The following SH3RF2 variants were observed in gnomAD, a reference collection of about 807,000 sequenced individuals.
The protein encoded by SH3RF2 is E3 ubiquitin-protein ligase SH3RF2.
SH3RF2 carries 43 observed loss-of-function variants against 59.0 expected under a neutral mutation model. The observed-to-expected ratio is 0.73, with a 90% CI of 0.57 to 0.94. The LOEUF (loss-of-function observed/expected upper bound fraction) is 0.94, where lower values mean the gene tolerates loss of function less well. SH3RF2 is among the 40% of genes least tolerant of loss of function. SH3RF2 has a pLI of 0.00. For synonymous variants in SH3RF2, 391 were observed against 391.5 expected (o/e 1.00, Z 0.01); for missense variants, 930 against 940.1 (o/e 0.99, Z 0.14).
chr5:146,060,535 T>TTAA (rs1259901769), intron 9 of SH3RF2, among the ~76,000 whole-genome samples: 2 of 152,184 alleles, frequency 1.3e-5, no homozygotes, highest in Non-Finnish European at 2.9e-5. Flanking sequence ...TTGCTTTGAA[T>TTAA]TCTAGCTTTG....
At chr5:145,961,366 C>T (rs1249337726) in intron 2 of SH3RF2, among the ~76,000 whole-genome samples, 2 of 152,014 alleles carry the variant, frequency 1.3e-5, no homozygotes, top group Non-Finnish European at 2.9e-5. Flanking sequence ...TTTCTCTTCT[C>T]TAAGAACCAC....
intron 2 of SH3RF2, among the ~76,000 whole-genome samples, chr5:145,964,033 C>G (rs1367331812): frequency 4.0e-5 from 6 of 151,728 alleles, no homozygotes; most frequent in Non-Finnish European, 8.8e-5. Flanking sequence ...GGGGTTTCAC[C>G]GTGTTAGACA....
intron 2 of SH3RF2, among the ~76,000 whole-genome samples, chr5:145,943,639 C>T (rs1458017349): frequency 2.0e-5 from 3 of 152,170 alleles, no homozygotes; most frequent in Non-Finnish European, 4.4e-5. Context: ...TCAGGGTAAT[C>T]CCTGCAGTGG....
intron 2 of SH3RF2, chr5:145,997,803 A>C (rs1760227349): frequency 3.3e-6 from 5 of 1,529,384 alleles, no homozygotes; most frequent in Admixed American, 1.7e-5. Context: ...AAAAAAAATT[A>C]AGCTAGGATC....
At chr5:145,965,010 C>T (rs1406023022) in intron 2 of SH3RF2, among the ~76,000 whole-genome samples, 3 of 151,946 alleles carry the variant, frequency 2.0e-5, no homozygotes, top group African/African-American at 4.8e-5. Context: ...CTGCGCAACA[C>T]GGTGAAACCC....
chr5:145,984,493 C>T (rs1472883868), intron 2 of SH3RF2, among the ~76,000 whole-genome samples: 3 of 152,192 alleles, frequency 2.0e-5, no homozygotes, highest in Admixed American at 1.3e-4. Context: ...TCACTTATTC[C>T]GCCATATCTC....
chr5:146,073,992 C>A (rs1210037118), intron 9 of SH3RF2, among the ~76,000 whole-genome samples: 2 of 151,610 alleles, frequency 1.3e-5, no homozygotes, highest in Admixed American at 6.6e-5. Context: ...CTCAACCTGT[C>A]CCCTGTCCAT....
chr5:146,029,472 C>T lies in SH3RF2; in HGVS notation c.1059+15411C>T, dbSNP rs919159939. Among the ~76,000 whole-genome samples the T allele has an allele frequency of 2.4e-4, 37 of 152,102 alleles. 1 individual carries two copies. Among genetic ancestry groups the T allele is most frequent in the African/African-American group, 5.8e-4 (24 of 41,390 alleles). ...AGGAGTAGGAAATGGGTGCATGTGC[C>T]GTGTGTTTGCCATCCCCACATAGGC... On this transcript the variant is annotated intron_variant, in intron 5 of 9. Transcript: ENST00000359120.
chr5:146,055,964 A>G lies in SH3RF2; in HGVS notation c.1323-17A>G, dbSNP rs1762649897. On this transcript the variant is annotated splice_polypyrimidine_tract_variant and intron_variant, in intron 7 of 9. Coordinates refer to ENST00000359120, the MANE Select transcript of SH3RF2 (RefSeq NM_152550.4). ...TTCTCTATTTCTTCTCTTAAAAAAA[A>G]AATTTTCCAAAACCAGAAAGACCTC... is the stretch of plus-strand genomic sequence containing the variant. The G allele has an allele frequency of 6.3e-7, 1 of 1,597,742 alleles. No individual in the cohort carries two copies. Among genetic ancestry groups the G allele is most frequent in the Non-Finnish European group, 8.5e-7 (1 of 1,174,556 alleles).
At chr5:145,983,912 C>G (rs1311207095) in intron 2 of SH3RF2, among the ~76,000 whole-genome samples, 2 of 152,100 alleles carry the variant, frequency 1.3e-5, no homozygotes, top group African/African-American at 2.4e-5. Flanking sequence ...CTATATTTAT[C>G]TTTGGCTAGC....
At position 146,022,252 on chromosome 5, in the gene SH3RF2, G is replaced by A. The variant is rs181841635; in HGVS notation, c.1059+8191G>A. Among the ~76,000 whole-genome samples, 769 of 152,186 alleles carry A rather than the reference G, an allele frequency of 5.1e-3. 6 individuals carry two copies. The highest frequency in any genetic ancestry group is 0.018 in the African/African-American group (730 of 41,500). On this transcript the variant is annotated intron_variant, in intron 5 of 9. Transcript: ENST00000359120. The stretch of plus-strand genomic sequence containing the variant: ...AGATAAAGTGTCACTCTGTTGCCCC[G>A]GCTGAAGTGCAGTGGCATGATCTTG...
At chr5:145,997,363 T>C (rs1000494999) in intron 2 of SH3RF2, 14 of 1,191,334 alleles carry the variant, frequency 1.2e-5, no homozygotes, top group African/African-American at 3.0e-5. Context: ...TCTAAATATG[T>C]TGAAGAGCAG....
At chr5:145,986,399 T>A (rs963821386) in intron 2 of SH3RF2, among the ~76,000 whole-genome samples, 1 of 152,106 alleles carries the variant, frequency 6.6e-6, no homozygotes. Context: ...TCTCAAACCA[T>A]ATGGAAAAAG....
chr5:145,937,990 T>A lies in SH3RF2; in HGVS notation c.62T>A (p.Val21Asp). Residue 21 changes from valine to aspartate, a missense_variant, in exon 2 of 10, where the codon GTC (valine) becomes GAC (aspartate). By Grantham distance (152) the Val-to-Asp change is radical. Coordinates refer to ENST00000359120, the MANE Select transcript of SH3RF2 (RefSeq NM_152550.4). ...ECPVCFEKLD[V>D]TAKVLPCQHT... The stretch of plus-strand genomic sequence containing the variant: ...CCTGTGTGCTTTGAGAAGCTCGATG[T>A]CACAGCCAAAGTCCTCCCTTGCCAG... 6.2e-7 allele frequency: 1 copy of A among 1,614,226 alleles called. No individual in the cohort carries two copies. Among genetic ancestry groups the A allele is most frequent in the Non-Finnish European group, 8.5e-7 (1 of 1,180,028 alleles).
intron 7 of SH3RF2, among the ~76,000 whole-genome samples, chr5:146,052,222 AG>A (rs1580924406): frequency 6.6e-6 from 1 of 152,148 alleles, no homozygotes; most frequent in African/African-American, 2.4e-5. Flanking sequence ...ACTTTTGGGC[AG>A]GTATCAGCTG....
chr5:145,937,407 T>C (rs1757629581), intron 1 of SH3RF2, among the ~76,000 whole-genome samples: 1 of 152,128 alleles, frequency 6.6e-6, no homozygotes, highest in Non-Finnish European at 1.5e-5. Flanking sequence ...CATTTAGATT[T>C]AGGGGAAGGA....
chr5:145,971,067 G>C (rs1423988261), intron 2 of SH3RF2, among the ~76,000 whole-genome samples: 1 of 152,128 alleles, frequency 6.6e-6, no homozygotes, highest in African/African-American at 2.4e-5. Context: ...CTTTGCATTG[G>C]GCTGGGTCTT....
At position 146,053,380 on chromosome 5, in the gene SH3RF2, C is replaced by T. The variant is rs151079120; in HGVS notation, c.1323-2601C>T. ...CAGCATCTAAATCCCCCTTTAATAG[C>T]GGCAACATCCCTTTGGGTCTCCTCT... On this transcript the variant is annotated intron_variant, in intron 7 of 9. Transcript: ENST00000359120. Among the ~76,000 whole-genome samples the T allele has an allele frequency of 2.4e-4, 37 of 152,058 alleles. No individual in the cohort carries two copies. The East Asian group carries it at 2.5e-3, about 10-fold the overall frequency.
chr5:145,940,131 T>C (rs1045011872), intron 2 of SH3RF2, among the ~76,000 whole-genome samples: 3 of 152,142 alleles, frequency 2.0e-5, no homozygotes, highest in Non-Finnish European at 4.4e-5. Flanking sequence ...CAGGGACTTA[T>C]AACATCAGAC....
Sources: gnomAD v4.1 joint callset for allele counts (sites outside exome capture counted in the v4.1 genomes callset) on GRCh38, gnomAD v4.1.1 for gene constraint, MANE v1.5 for transcripts, NCBI Gene and HGNC (gene_info 2026-07-23, HGNC 2026-07-21) for gene names.